Variants in CDC73 observed in about 807,000 individuals in gnomAD.
The protein encoded by CDC73 is parafibromin.
A neutral mutation model predicts 83.7 loss-of-function variants in CDC73; 21 were observed. That is an observed-to-expected ratio of 0.25 (90% confidence interval 0.18 to 0.36). The LOEUF (loss-of-function observed/expected upper bound fraction) is 0.36, where lower values mean the gene tolerates loss of function less well. Ranked by LOEUF, CDC73 falls within the 10% of genes least tolerant of loss-of-function variation. The pLI is 1.00. For synonymous variants in CDC73, 224 were observed against 212.9 expected, an observed-to-expected ratio of 1.05 and a Z score of -0.45; for missense variants, 342 against 653.3, an observed-to-expected ratio of 0.52 and a Z score of 5.19.
chr1:193,147,127 A>AC (rs1342133808), intron 7 of CDC73, among the ~76,000 whole-genome samples: 1 of 150,498 alleles, frequency 6.6e-6, no homozygotes, highest in Non-Finnish European at 1.5e-5. Context: ...CAAGTAGCTG[A>AC]CACTATAGGT....
chr1:193,198,294 C>T (rs1677036278), intron 10 of CDC73, among the ~76,000 whole-genome samples: 1 of 152,168 alleles, frequency 6.6e-6, no homozygotes, highest in African/African-American at 2.4e-5. Context: ...AATTAATCCC[C>T]ACTGTGGTGA....
At chr1:193,215,174 C>T (rs1677343429) in intron 13 of CDC73, among the ~76,000 whole-genome samples, 1 of 152,156 alleles carries the variant, frequency 6.6e-6, no homozygotes, top group Admixed American at 6.5e-5. Flanking sequence ...AATTAGACCT[C>T]AACAGTTAGC....
At chr1:193,181,534 C>T in intron 10 of CDC73, 1 of 1,603,934 alleles carries the variant, frequency 6.2e-7, no homozygotes, top group South Asian at 1.1e-5. Flanking sequence ...CTTTGCAAAG[C>T]AGCAGTGTCT....
chr1:193,230,127 G>T (rs1677635095), intron 13 of CDC73, among the ~76,000 whole-genome samples: 1 of 151,600 alleles, frequency 6.6e-6, no homozygotes, highest in Non-Finnish European at 1.5e-5. Flanking sequence ...CGCATTAGAG[G>T]AATGACATTC....
At chr1:193,203,730 A>G (rs1345477984) in intron 10 of CDC73, 65 bp from the exon 11 acceptor site, 2 of 1,256,718 alleles carry the variant, frequency 1.6e-6, no homozygotes, top group East Asian at 4.9e-5. Flanking sequence ...TTTCTTTGGA[A>G]TAATTAAAGT....
At chr1:193,133,961 CT>C (rs914443637) in intron 3 of CDC73, among the ~76,000 whole-genome samples, 33 of 150,366 alleles carry the variant, frequency 2.2e-4, no homozygotes, top group South Asian at 1.9e-3. Flanking sequence ...ATAATATGCT[CT>C]GGTGAAGCAA....
intron 1 of CDC73, among the ~76,000 whole-genome samples, chr1:193,123,400 G>A (rs1675501823): frequency 6.6e-6 from 1 of 152,036 alleles, no homozygotes; most frequent in Non-Finnish European, 1.5e-5. Context: ...GCTAATTTAT[G>A]TAGTTTAGTA....
At chr1:193,195,879 G>A (rs1250442224) in intron 10 of CDC73, among the ~76,000 whole-genome samples, 1 of 152,132 alleles carries the variant, frequency 6.6e-6, no homozygotes, top group Non-Finnish European at 1.5e-5. Flanking sequence ...TGAGTTGCAG[G>A]AGTTCTTTAT....
At chr1:193,154,746 G>A (rs1676178364) in intron 10 of CDC73, among the ~76,000 whole-genome samples, 1 of 152,100 alleles carries the variant, frequency 6.6e-6, no homozygotes, top group East Asian at 1.9e-4. Context: ...TTATTTTTTA[G>A]TTGTGTCTCA....
At position 193,224,223 on chromosome 1, in the gene CDC73, T is replaced by G. The variant is rs578127707; in HGVS notation, c.1155-8770T>G. Among the ~76,000 whole-genome samples the G allele has an allele frequency of 3.0e-4, 45 of 152,180 alleles. 1 individual carries two copies. Among genetic ancestry groups the G allele is most frequent in the South Asian group, 6.2e-4 (3 of 4,824 alleles). On this transcript the variant is annotated intron_variant, in intron 13 of 16. Coordinates refer to ENST00000367435, the MANE Select transcript of CDC73 (RefSeq NM_024529.5). ...GATTTACTGTTTACTTGTTTTTTTT[T>G]GGGAATTATTGTTGCAGTTACTTAG...
intron 7 of CDC73, among the ~76,000 whole-genome samples, chr1:193,143,961 T>C (rs1219538620): frequency 6.6e-6 from 1 of 151,568 alleles, no homozygotes; most frequent in African/African-American, 2.4e-5. Flanking sequence ...AATACAAAAA[T>C]TAGTGGGGCA....
intron 10 of CDC73, among the ~76,000 whole-genome samples, chr1:193,194,274 T>G (rs1380748217): frequency 2.6e-5 from 4 of 152,142 alleles, no homozygotes; most frequent in Non-Finnish European, 5.9e-5. Context: ...ACCTTTGAGG[T>G]CATCTAAAAA....
At chr1:193,242,262 A>G (rs1027770422) in intron 15 of CDC73, among the ~76,000 whole-genome samples, 1 of 151,870 alleles carries the variant, frequency 6.6e-6, no homozygotes, top group East Asian at 1.9e-4. Context: ...CCAAGCATGA[A>G]CCTCCTATCT....
At chr1:193,204,247 A>ATG (rs1233894531) in intron 11 of CDC73, among the ~76,000 whole-genome samples, 171 of 123,080 alleles carry the variant, frequency 1.4e-3, no homozygotes, top group Middle Eastern at 8.1e-3. Flanking sequence ...ACGTATATAT[A>ATG]TGTGTATGTG....
chr1:193,198,133 C>G (rs1252483940), intron 10 of CDC73, among the ~76,000 whole-genome samples: 1 of 152,090 alleles, frequency 6.6e-6, no homozygotes, highest in African/African-American at 2.4e-5. Flanking sequence ...CTGCCATGCA[C>G]CTGGCTGTAT....
chr1:193,167,447 C>A (rs770694543), intron 10 of CDC73, among the ~76,000 whole-genome samples: 1 of 152,162 alleles, frequency 6.6e-6, no homozygotes, highest in South Asian at 2.1e-4. Context: ...AGTCATTTGC[C>A]TTGACTTCTG....
chr1:193,149,227 C>A (rs1676062664), intron 8 of CDC73, among the ~76,000 whole-genome samples: 1 of 152,060 alleles, frequency 6.6e-6, no homozygotes, highest in African/African-American at 2.4e-5. Context: ...TTTTTGGCAC[C>A]AGGGACCAGT....
In CDC73 at chr1:193,144,496, G is replaced by T. The variant is rs545156969; in HGVS notation, c.729+2430G>T. Among the ~76,000 whole-genome samples, 124 of 151,650 alleles carry T rather than the reference G, an allele frequency of 8.2e-4. 2 individuals are homozygous for T. Among genetic ancestry groups the T allele is most frequent in the Non-Finnish European group, 1.5e-3 (101 of 67,962 alleles). On this transcript the variant is annotated intron_variant, in intron 7 of 16. Transcript: ENST00000367435. The stretch of plus-strand genomic sequence containing the variant: ...TTTTATGTGCATTTTTCATTGTATT[G>T]ACCTTTGCAGTGATGGTACACAATC...
intron 10 of CDC73, among the ~76,000 whole-genome samples, chr1:193,190,299 CTT>C (rs1224861532): frequency 6.6e-6 from 1 of 152,174 alleles, no homozygotes; most frequent in African/African-American, 2.4e-5. Flanking sequence ...GTTTATTTCT[CTT>C]GACTGTTTTT....
Sources: allele counts gnomAD v4.1 joint callset (sites outside exome capture counted in the v4.1 genomes callset), GRCh38; gene constraint gnomAD v4.1.1; transcripts MANE v1.5; gene names NCBI Gene and HGNC (gene_info 2026-07-23, HGNC 2026-07-21).